The following MICU1 variants were observed in gnomAD, a reference collection of about 807,000 sequenced individuals.
MICU1 encodes the protein calcium uptake protein 1, mitochondrial.
In MICU1, 45 loss-of-function variants were observed where a neutral mutation model predicts 56.8. That is an observed-to-expected ratio of 0.79 (90% CI 0.62 to 1.02). MICU1 has a LOEUF of 1.02. MICU1 is among the 50% of genes least tolerant of loss of function. The probability of loss-of-function intolerance (pLI) is 0.00; values close to 1 mark genes in which losing one functional copy is unlikely to be tolerated. For missense variants in MICU1, 504 were observed against 587.1 expected, an observed-to-expected ratio of 0.86 and a Z score of 1.46; for synonymous variants, 186 against 195.1, an observed-to-expected ratio of 0.95 and a Z score of 0.39.
intron 8 of MICU1, among the ~76,000 whole-genome samples, chr10:72,432,106 T>C (rs113556969): frequency 1.7e-5 from 2 of 119,336 alleles, no homozygotes; most frequent in East Asian, 3.9e-4. Flanking sequence ...TTTTTTTTTT[T>C]AATTTGAGGC....
In MICU1 at chr10:72,435,371, G is replaced by A. The variant is rs552594462; in HGVS notation, c.934-12000C>T. ...CCACTGCACTCCACCCTGGGCCAGA[G>A]TGAGACCCTGTTACAAAAAAAAAAA... On this transcript the variant is annotated intron_variant, in intron 8 of 11. Coordinates refer to ENST00000361114, the MANE Select transcript of MICU1 (RefSeq NM_001195518.2). Among the ~76,000 whole-genome samples, 59 of 134,670 alleles carry A rather than the reference G, an allele frequency of 4.4e-4. 2 individuals carry two copies. In the South Asian group the frequency reaches 0.015, roughly 33 times the overall value. 88.3% of individuals were successfully genotyped at this position (134,670 alleles called of 152,430 possible).
chr10:72,501,305 G>C (rs1867060336), intron 6 of MICU1, among the ~76,000 whole-genome samples: 1 of 152,014 alleles, frequency 6.6e-6, no homozygotes, highest in Non-Finnish European at 1.5e-5. Context: ...TTTGGGAATA[G>C]ATTAATTAAA....
chr10:72,550,667 ATTC>A (rs1334738822), intron 4 of MICU1, among the ~76,000 whole-genome samples: 2 of 152,180 alleles, frequency 1.3e-5, no homozygotes, highest in African/African-American at 4.8e-5. Context: ...TGATTAGATC[ATTC>A]TTCTTTTTAA....
chr10:72,599,326 T>C (rs1267225386), intron 1 of MICU1, among the ~76,000 whole-genome samples: 3 of 152,226 alleles, frequency 2.0e-5, no homozygotes, highest in African/African-American at 7.2e-5. Context: ...TGCAAACATT[T>C]AAATATTAAT....
chr10:72,578,955 T>C (rs1049125833), intron 1 of MICU1, among the ~76,000 whole-genome samples: 1 of 152,052 alleles, frequency 6.6e-6, no homozygotes, highest in Non-Finnish European at 1.5e-5. Flanking sequence ...CACTATAGTA[T>C]AAACATAACT....
At chr10:72,397,938 A>G (rs1443039176) in intron 10 of MICU1, among the ~76,000 whole-genome samples, 1 of 152,226 alleles carries the variant, frequency 6.6e-6, no homozygotes, top group Admixed American at 6.5e-5. Context: ...TGGACCTAAT[A>G]GACATCTACA....
At chr10:72,427,288 C>A (rs1453635481) in intron 8 of MICU1, among the ~76,000 whole-genome samples, 1 of 152,196 alleles carries the variant, frequency 6.6e-6, no homozygotes, top group Non-Finnish European at 1.5e-5. Context: ...GTTCACACTG[C>A]GCCTCTTGTT....
chr10:72,543,746 A>C (rs1241433107), intron 4 of MICU1, among the ~76,000 whole-genome samples: 2 of 151,860 alleles, frequency 1.3e-5, no homozygotes, highest in Non-Finnish European at 2.9e-5. Context: ...TCCCAGCTGG[A>C]GGCTGAGGCA....
intron 8 of MICU1, among the ~76,000 whole-genome samples, chr10:72,457,905 A>G (rs1865522171): frequency 6.6e-6 from 1 of 152,188 alleles, no homozygotes; most frequent in Non-Finnish European, 1.5e-5. Context: ...GCAGTGGCTC[A>G]TGCTTGTAAT....
chr10:72,558,473 G>A (rs1378092214), intron 3 of MICU1, among the ~76,000 whole-genome samples: 1 of 152,142 alleles, frequency 6.6e-6, no homozygotes. Flanking sequence ...AAGGAGGCAT[G>A]AACCAGAGCT....
At chr10:72,421,012 AAAAAAATAAT>A (rs1564857480) in intron 9 of MICU1, among the ~76,000 whole-genome samples, 1 of 140,524 alleles carries the variant, frequency 7.1e-6, no homozygotes, top group Non-Finnish European at 1.6e-5. Flanking sequence ...CAAAAAAAAA[AAAAAAATAAT>A]AATAATAATA....
intron 5 of MICU1, among the ~76,000 whole-genome samples, chr10:72,516,673 AC>A (rs552480103): frequency 2.6e-4 from 40 of 152,296 alleles, no homozygotes; most frequent in African/African-American, 9.1e-4. Context: ...GTTTCCCAGC[AC>A]CATTTATTAA....
intron 6 of MICU1, among the ~76,000 whole-genome samples, chr10:72,480,324 G>A (rs1235597674): frequency 6.6e-6 from 1 of 152,226 alleles, no homozygotes; most frequent in South Asian, 2.1e-4. Context: ...AAATGTTTGA[G>A]AAATAAAATG....
At chr10:72,485,248 GTTT>G (rs1866429538) in intron 6 of MICU1, among the ~76,000 whole-genome samples, 1 of 151,862 alleles carries the variant, frequency 6.6e-6, no homozygotes, top group Non-Finnish European at 1.5e-5. Flanking sequence ...GTTTTGTTTT[GTTT>G]TGTTTTGTTT....
chr10:72,408,632 C>CTCTCT (rs1863707709), intron 9 of MICU1, among the ~76,000 whole-genome samples: 1 of 152,182 alleles, frequency 6.6e-6, no homozygotes, highest in South Asian at 2.1e-4. Context: ...TCTAACTGTG[C>CTCTCT]TCTCCAATTA....
Position 72,407,974 on chromosome 10 carries a change from T to C in MICU1, c.1135A>G (p.Thr379Ala). The C allele has an allele frequency of 6.2e-7, 1 of 1,613,882 alleles. No homozygotes were observed. The highest frequency in any genetic ancestry group is 1.3e-5 in the African/African-American group (1 of 75,070). Residue 379 changes from threonine (T) to alanine (A), a missense_variant, in exon 10 of 12, where the codon ACT becomes GCT. Thr to Ala is a moderately conservative substitution (Grantham distance 58). Coordinates refer to ENST00000361114, the MANE Select transcript of MICU1 (RefSeq NM_001195518.2). ...TFLKNINDVD[T>A]ALSFYHMAGA... The stretch of plus-strand genomic sequence containing the variant: ...GCCATATGGTAAAAACTCAATGCAG[T>C]GTCCACATCATTAATGTTCTTTAGG...
chr10:72,372,642 C>T (rs1227036256), intron 11 of MICU1, among the ~76,000 whole-genome samples: 1 of 151,890 alleles, frequency 6.6e-6, no homozygotes, highest in East Asian at 1.9e-4. Flanking sequence ...AGTTCAAGAC[C>T]AGCCTGGCCA....
chr10:72,450,747 T>C (rs1460779107), intron 8 of MICU1, among the ~76,000 whole-genome samples: 2 of 147,170 alleles, frequency 1.4e-5, no homozygotes, highest in African/African-American at 2.5e-5. Context: ...TTTTTTGAGA[T>C]GGGATCTCAC....
chr10:72,601,886 G>A (rs1401127354), intron 1 of MICU1, among the ~76,000 whole-genome samples: 12 of 150,470 alleles, frequency 8.0e-5, no homozygotes, highest in Non-Finnish European at 1.5e-4. Context: ...TGCAACCTCC[G>A]CCTCCCAGGT....
Sources: gnomAD v4.1 joint callset for allele counts (sites outside exome capture counted in the v4.1 genomes callset) on GRCh38, gnomAD v4.1.1 for gene constraint, MANE v1.5 for transcripts, NCBI Gene and HGNC (gene_info 2026-07-23, HGNC 2026-07-21) for gene names.